The following RP1 variants were observed in gnomAD, a reference collection of about 807,000 sequenced individuals.
The protein encoded by RP1 is RP1 axonemal microtubule associated, also known as oxygen-regulated protein 1.
A neutral mutation model predicts 14.8 loss-of-function variants in RP1; 16 were observed. That is an observed-to-expected ratio of 1.08 (90% confidence interval 0.73 to 1.65). The LOEUF is 1.65. RP1 is among the 40% of genes most tolerant of loss of function. The probability of loss-of-function intolerance (pLI) is 0.00; values close to 1 mark genes in which losing one functional copy is unlikely to be tolerated. For missense variants in RP1, 2,631 were observed against 2,535.0 expected (o/e 1.04, Z -0.81); for synonymous variants, 876 against 883.6 (o/e 0.99, Z 0.15).
intron 14 of RP1, among the ~76,000 whole-genome samples, chr8:54,702,955 C>T (rs1260138145): frequency 1.3e-5 from 2 of 152,200 alleles, no homozygotes; most frequent in Non-Finnish European, 2.9e-5. Flanking sequence ...GCAATTCAGT[C>T]ACAACTTCAA....
At chr8:54,735,576 C>T (rs1439890936) in intron 18 of RP1, among the ~76,000 whole-genome samples, 1 of 152,134 alleles carries the variant, frequency 6.6e-6, no homozygotes, top group Admixed American at 6.5e-5. Context: ...CAGTACCTGG[C>T]AATCACTAAT....
intron 27 of RP1, among the ~76,000 whole-genome samples, chr8:54,860,651 C>T (rs549733322): frequency 6.6e-5 from 10 of 152,336 alleles, no homozygotes; most frequent in Admixed American, 6.5e-4. Context: ...GGTCCTCAGA[C>T]TGCGTCCCCA....
intron 1 of RP1, among the ~76,000 whole-genome samples, chr8:54,565,932 T>C (rs926867220): frequency 1.3e-5 from 2 of 152,170 alleles, no homozygotes; most frequent in African/African-American, 4.8e-5. Flanking sequence ...TCTCCCCAGC[T>C]CTGCGGGTGT....
intron 19 of RP1, among the ~76,000 whole-genome samples, chr8:54,746,173 T>C (rs1809219969): frequency 6.6e-6 from 1 of 152,232 alleles, no homozygotes; most frequent in African/African-American, 2.4e-5. Flanking sequence ...GAATGCTTTT[T>C]TTTGGGGGAA....
chr8:54,725,986 C>T (rs1192962438), intron 16 of RP1, among the ~76,000 whole-genome samples: 5 of 152,092 alleles, frequency 3.3e-5, no homozygotes, highest in African/African-American at 9.7e-5. Context: ...GTTTGAATGA[C>T]GTTTTAGTTT....
At chr8:54,607,348 A>G (rs1483288203) in intron 1 of RP1, among the ~76,000 whole-genome samples, 6 of 152,148 alleles carry the variant, frequency 3.9e-5, no homozygotes, top group African/African-American at 7.2e-5. Context: ...AGCAGAGGCT[A>G]CAGAACAGTG....
intron 27 of RP1, among the ~76,000 whole-genome samples, chr8:54,864,478 T>C (rs1398224294): frequency 6.6e-6 from 1 of 152,200 alleles, no homozygotes; most frequent in Admixed American, 6.6e-5. Context: ...GTTGCTACTT[T>C]TTATTTTTTA....
intron 7 of RP1, among the ~76,000 whole-genome samples, chr8:54,670,265 G>T (rs1807122676): frequency 6.6e-6 from 1 of 151,534 alleles, no homozygotes; most frequent in African/African-American, 2.4e-5. Flanking sequence ...TGTCTGTTAG[G>T]ACCAATGGTT....
exon 23 of RP1, chr8:54,769,907 A>G: frequency 1.4e-6 from 1 of 700,200 alleles, no homozygotes; most frequent in Non-Finnish European, 2.3e-6. Flanking sequence ...CCCCTTTGAT[A>G]TTTATCTTTT....
At chr8:54,561,651 T>C (rs1310729108) in intron 1 of RP1, 1 of 152,218 alleles carries the variant, frequency 6.6e-6, no homozygotes, top group African/African-American at 2.4e-5. Flanking sequence ...GCTTTTCAGA[T>C]GATTAACTGG....
At chr8:54,813,318 G>A (rs1811059428) in intron 24 of RP1, among the ~76,000 whole-genome samples, 1 of 152,128 alleles carries the variant, frequency 6.6e-6, no homozygotes, top group Non-Finnish European at 1.5e-5. Flanking sequence ...CACCATCTTG[G>A]GGGACAGAGT....
chr8:54,731,961 A>G (rs1021700254), intron 17 of RP1, among the ~76,000 whole-genome samples: 1 of 152,178 alleles, frequency 6.6e-6, no homozygotes, highest in African/African-American at 2.4e-5. Flanking sequence ...CTTAGCTCAG[A>G]CCACCACCAT....
chr8:54,758,840 TTAAC>T (rs1809568835), intron 21 of RP1: 9 of 1,392,178 alleles, frequency 6.5e-6, no homozygotes, highest in Admixed American at 4.2e-5. Flanking sequence ...TGGCAGTCGT[TTAAC>T]TATTATTATT....
intron 9 of RP1, chr8:54,679,373 T>G (rs187718045): frequency 6.8e-7 from 1 of 1,469,008 alleles, no homozygotes. Context: ...CAATGGTTAA[T>G]GTAAATATAA....
At chr8:54,661,293 G>GATATATATATGATATATCAATT (rs1554522266) in intron 6 of RP1, among the ~76,000 whole-genome samples, 1 of 130,716 alleles carries the variant, frequency 7.7e-6, no homozygotes, top group Admixed American at 7.6e-5. Flanking sequence ...ATATATAAAT[G>GATATATATATGATATATCAATT]ATATATATAT....
downstream of RP1, among the ~76,000 whole-genome samples, chr8:54,633,498 C>T (rs182778790): frequency 6.6e-6 from 1 of 152,074 alleles, no homozygotes; most frequent in East Asian, 1.9e-4. Context: ...TTGTGGCACT[C>T]ATTAAAGTTC....
intron 4 of RP1, among the ~76,000 whole-genome samples, chr8:54,649,299 T>G (rs1400918594): frequency 6.6e-6 from 1 of 152,064 alleles, no homozygotes; most frequent in African/African-American, 2.4e-5. Flanking sequence ...TCAAGCAGAT[T>G]TAACACAAGT....
exon 12 of RP1, chr8:54,679,872 G>C: frequency 1.3e-6 from 2 of 1,536,080 alleles, no homozygotes; most frequent in Non-Finnish European, 1.7e-6. Flanking sequence ...TGACTGGAGG[G>C]TTTGTCCGTT....
Position 54,630,742 on chromosome 8 carries a change from A to C in RP1, c.*389A>C, listed in dbSNP as rs1440214069. Reference sequence around the variant, plus strand: ...CTGTATTGGTGAATAAATTGAATAGACATAACCTCAAAGTACTTCACTTAT... The same window carrying C: ...CTGTATTGGTGAATAAATTGAATAGCCATAACCTCAAAGTACTTCACTTAT... On this transcript the variant is annotated 3_prime_UTR_variant, in exon 4 of 4. Coordinates refer to ENST00000220676, the MANE Select transcript of RP1 (RefSeq NM_006269.2). 9.7e-7 allele frequency: 1 copy of C among 1,027,964 alleles called. No homozygotes were observed. Among genetic ancestry groups the C allele is most frequent in the Non-Finnish European group, 1.2e-6 (1 of 856,022 alleles). The allele number at this position is 1,027,964 out of a possible 1,614,324, so 63.7% of individuals were successfully genotyped here. A position where few individuals can be genotyped will look rare whatever the true frequency, so the allele number is the denominator to read the frequency against.
Sources: allele counts gnomAD v4.1 joint callset (sites outside exome capture counted in the v4.1 genomes callset), GRCh38; gene constraint gnomAD v4.1.1; transcripts MANE v1.5; gene names NCBI Gene and HGNC (gene_info 2026-07-23, HGNC 2026-07-21).